Variants in LATS2 observed in about 807,000 individuals in gnomAD.
LATS2 encodes large tumor suppressor kinase 2, also known as serine/threonine-protein kinase LATS2.
A neutral mutation model predicts 76.0 loss-of-function variants in LATS2; 24 were observed. That is an observed-to-expected ratio of 0.32 (90% CI 0.23 to 0.44). The LOEUF (loss-of-function observed/expected upper bound fraction) is 0.44, where lower values mean the gene tolerates loss of function less well. LATS2 is among the 20% of genes least tolerant of loss of function. The pLI is 1.00. For missense variants in LATS2, 1,286 were observed against 1,481.2 expected (o/e 0.87, Z 2.16); for synonymous variants, 692 against 635.4 (o/e 1.09, Z -1.34).
chr13:20,983,187 C>T lies in LATS2; in HGVS notation c.2482+37G>A, dbSNP rs193091713. On this transcript the variant is annotated intron_variant, in intron 5 of 7. Coordinates refer to ENST00000382592, the MANE Select transcript of LATS2 (RefSeq NM_014572.3). ...CTTGCAATGGGGTTAGTGACATCTA[C>T]ACATAGAAAGTGCATGTGGCACACT... The T allele has an allele frequency of 6.8e-4, 979 of 1,444,546 alleles. 7 individuals are homozygous for T. The African/African-American group carries it at 0.012, about 18-fold the overall frequency. 89.5% of individuals were successfully genotyped at this position (1,444,546 alleles called of 1,614,324 possible).
intron 2 of LATS2, among the ~76,000 whole-genome samples, chr13:21,044,133 C>T (rs1274708676): frequency 6.6e-6 from 1 of 152,202 alleles, no homozygotes; most frequent in Non-Finnish European, 1.5e-5. Flanking sequence ...CAAAGCAGCT[C>T]GACATAACAA....
chr13:20,992,916 T>C (rs973421137), intron 2 of LATS2, among the ~76,000 whole-genome samples: 3 of 152,032 alleles, frequency 2.0e-5, no homozygotes, highest in African/African-American at 7.2e-5. Flanking sequence ...GTGCCTGTAG[T>C]TCCAGCTACT....
At chr13:21,060,329 G>C (rs1873589502) in intron 1 of LATS2, among the ~76,000 whole-genome samples, 2 of 152,230 alleles carry the variant, frequency 1.3e-5, no homozygotes, top group Non-Finnish European at 2.9e-5. Context: ...GTCCGGCTGG[G>C]GAGCTAAGCG....
intron 2 of LATS2, among the ~76,000 whole-genome samples, chr13:21,006,529 GC>G (rs760866787): frequency 2.6e-5 from 4 of 152,308 alleles, no homozygotes; most frequent in African/African-American, 7.2e-5. Flanking sequence ...CAGAGCTGAA[GC>G]ATGAACAGAT....
At chr13:21,054,823 G>C (rs929615199) in intron 1 of LATS2, among the ~76,000 whole-genome samples, 2 of 152,162 alleles carry the variant, frequency 1.3e-5, no homozygotes, top group Non-Finnish European at 2.9e-5. Flanking sequence ...CAAAAAGGTT[G>C]AGAGGATTAT....
chr13:20,981,677 G>A (rs1444480493), intron 5 of LATS2, 29 bp from the exon 6 acceptor site: 2 of 1,558,844 alleles, frequency 1.3e-6, no homozygotes, highest in East Asian at 2.3e-5. Flanking sequence ...GATAGTGAAA[G>A]AAAAGAACAA....
chr13:20,983,357 G>A lies in LATS2; in HGVS notation c.2349C>T (p.His783=), dbSNP rs759583857. ...TGTCTCGGTGGATGAAGCCCATCTT[G>A]TGGACACTCTCAATGGCCAAAGTCA... The part of the protein sequence containing the change: ...AELTLAIESV[H]KMGFIHRDIK... The change falls in exon 5 of 8, where the codon CAC becomes CAT. Residue 783 remains histidine, a synonymous_variant. Coordinates refer to ENST00000382592, the MANE Select transcript of LATS2 (RefSeq NM_014572.3). The A allele has an allele frequency of 1.9e-6, 3 of 1,608,362 alleles. No individual in the cohort carries two copies. Among genetic ancestry groups the A allele is most frequent in the South Asian group, 1.1e-5 (1 of 90,844 alleles).
In LATS2 at chr13:20,983,297, A is replaced by G. The variant is rs965619264; in HGVS notation, c.2409T>C (p.Gly803=). 11 of 1,613,854 alleles carry G rather than the reference A, an allele frequency of 6.8e-6. No individual in the cohort carries two copies. The highest frequency in any genetic ancestry group is 3.3e-4 in the Middle Eastern group (2 of 6,084). The part of the protein sequence containing the change: ...KPDNILIDLD[G]HIKLTDFGLC... ...GGCCGAAATCTGTGAGTTTAATGTG[A>G]CCATCCAGATCTATCAAAATGTTAT... Residue 803 remains glycine (G), a synonymous_variant, in exon 5 of 8, where the codon GGT becomes GGC. Coordinates refer to ENST00000382592, the MANE Select transcript of LATS2 (RefSeq NM_014572.3).
intron 1 of LATS2, among the ~76,000 whole-genome samples, chr13:21,052,684 T>C (rs1388992522): frequency 6.6e-6 from 1 of 152,148 alleles, no homozygotes; most frequent in Non-Finnish European, 1.5e-5. Context: ...TGTTTGAGAA[T>C]GATGCTTAGA....
chr13:20,999,035 C>T (rs1031426473), intron 2 of LATS2, among the ~76,000 whole-genome samples: 3 of 152,156 alleles, frequency 2.0e-5, no homozygotes, highest in Non-Finnish European at 2.9e-5. Context: ...GGGGTTCTGG[C>T]GACCTGGTCC....
chr13:21,024,093 CAAAA>C (rs748881098), intron 2 of LATS2, among the ~76,000 whole-genome samples: 2,253 of 79,212 alleles, frequency 0.028, 61 homozygotes, highest in African/African-American at 0.094. Context: ...TCTCGCTGTG[CAAAA>C]AAAAAAAAAA....
At chr13:21,017,090 G>A (rs1048857996) in intron 2 of LATS2, among the ~76,000 whole-genome samples, 29 of 152,184 alleles carry the variant, frequency 1.9e-4, no homozygotes, top group Admixed American at 1.8e-3. Context: ...TCTAAGGACT[G>A]GGAAGCATCC....
chr13:21,055,674 C>T (rs1873426249), intron 1 of LATS2, among the ~76,000 whole-genome samples: 1 of 152,200 alleles, frequency 6.6e-6, no homozygotes, highest in Non-Finnish European at 1.5e-5. Flanking sequence ...GCCAAACACA[C>T]ATCAAGCACC....
intron 2 of LATS2, among the ~76,000 whole-genome samples, chr13:21,021,040 T>C (rs1054706993): frequency 3.9e-5 from 6 of 152,270 alleles, no homozygotes; most frequent in East Asian, 1.9e-4. Flanking sequence ...TTTAAGAGTC[T>C]GAGAGGAAGA....
Position 21,008,145 on chromosome 13 carries a change from G to C in LATS2, c.343-16741C>G, listed in dbSNP as rs368927673. ...AGGTGGACGAGGAGCTGACAGGCCA[G>C]TAGGATGGCACAGAGGCGCAGTGGT... On this transcript the variant is annotated intron_variant, in intron 2 of 7. Coordinates refer to ENST00000382592, the MANE Select transcript of LATS2 (RefSeq NM_014572.3). 1.2e-4 allele frequency among the ~76,000 whole-genome samples: 18 copies of C among 152,248 alleles called. No homozygotes were observed. In the East Asian group the frequency reaches 1.7e-3, roughly 15 times the overall value.
intron 2 of LATS2, among the ~76,000 whole-genome samples, chr13:21,043,212 C>T (rs1317781766): frequency 6.6e-6 from 1 of 151,856 alleles, no homozygotes; most frequent in Non-Finnish European, 1.5e-5. Context: ...GTGTTGCGTG[C>T]CTGTAATCGC....
intron 2 of LATS2, among the ~76,000 whole-genome samples, chr13:21,012,651 G>A (rs1229522021): frequency 6.6e-6 from 1 of 152,106 alleles, no homozygotes; most frequent in Non-Finnish European, 1.5e-5. Flanking sequence ...GGCTTTGTTG[G>A]ATGGTAAACA....
intron 2 of LATS2, among the ~76,000 whole-genome samples, chr13:21,015,913 G>A (rs1871779192): frequency 1.3e-5 from 2 of 151,672 alleles, no homozygotes; most frequent in South Asian, 4.2e-4. Flanking sequence ...TGGTCAGGCT[G>A]GTCTTGAACT....
intron 1 of LATS2, among the ~76,000 whole-genome samples, 193 bp from the exon 2 acceptor site, chr13:21,046,423 A>G (rs543754131): frequency 1.3e-5 from 2 of 152,374 alleles, no homozygotes; most frequent in Middle Eastern, 3.4e-3. Context: ...CGGCTGTCCC[A>G]AAATGCTTCC....
Sources: allele counts gnomAD v4.1 joint callset (sites outside exome capture counted in the v4.1 genomes callset), GRCh38; gene constraint gnomAD v4.1.1; transcripts MANE v1.5; gene names NCBI Gene and HGNC (gene_info 2026-07-23, HGNC 2026-07-21).